Variants in EDA observed in about 807,000 individuals in gnomAD.
EDA encodes ectodysplasin-A.
Under a neutral mutation model 23.6 loss-of-function variants are expected in EDA, and 2 were observed. That is an observed-to-expected ratio of 0.08 (90% CI 0.03 to 0.27). The LOEUF is 0.27. Ranked by LOEUF, EDA falls within the 10% of genes least tolerant of loss-of-function variation. The probability of loss-of-function intolerance (pLI) is 1.00; values close to 1 mark genes in which losing one functional copy is unlikely to be tolerated. For missense variants in EDA, 229 were observed against 324.2 expected, an observed-to-expected ratio of 0.71 and a Z score of 2.26; for synonymous variants, 131 against 132.0, an observed-to-expected ratio of 0.99 and a Z score of 0.05.
intron 1 of EDA, among the ~76,000 whole-genome samples, chrX:69,852,907 C>T (rs1404108192): frequency 8.9e-6 from 1 of 111,967 alleles, no homozygotes; most frequent in Non-Finnish European, 1.9e-5. Flanking sequence ...CACATTGGTA[C>T]TGCTTTCCAA....
chrX:69,978,043 T>C (rs1602580608), intron 2 of EDA, among the ~76,000 whole-genome samples: 1 of 110,867 alleles, frequency 9.0e-6, no homozygotes, highest in South Asian at 3.8e-4. Context: ...TTAGCATCCC[T>C]TGTACTTTGA....
At chrX:69,929,251 T>G (rs1431841773) in intron 1 of EDA, among the ~76,000 whole-genome samples, 4 of 111,335 alleles carry the variant, frequency 3.6e-5, no homozygotes, top group Non-Finnish European at 5.7e-5. Context: ...GCTTAGAACT[T>G]GGCTCTGCAT....
chrX:69,882,697 G>T (rs1425129988), intron 1 of EDA, among the ~76,000 whole-genome samples: 3 of 62,661 alleles, frequency 4.8e-5, no homozygotes, highest in Admixed American at 2.5e-4. Context: ...AATTCTCAGT[G>T]TTTGTAACTA....
chrX:69,645,194 C>A (rs981922455), intron 1 of EDA, among the ~76,000 whole-genome samples: 1 of 110,214 alleles, frequency 9.1e-6, no homozygotes, highest in African/African-American at 3.3e-5. Flanking sequence ...CTTCTTTGTA[C>A]CTCTGGTAGA....
intron 1 of EDA, among the ~76,000 whole-genome samples, chrX:69,913,739 C>T (rs2018302220): frequency 8.9e-6 from 1 of 112,056 alleles, no homozygotes; most frequent in Admixed American, 9.5e-5. Context: ...TTTCAACATG[C>T]CTTTCTCACT....
intron 7 of EDA, among the ~76,000 whole-genome samples, chrX:70,034,868 T>G (rs936938246): frequency 8.9e-6 from 1 of 111,974 alleles, no homozygotes; most frequent in African/African-American, 3.3e-5. Flanking sequence ...AATAAGCTTC[T>G]GTTAAGGAGC....
chrX:69,632,908 A>T (rs1932656294), intron 1 of EDA, among the ~76,000 whole-genome samples: 1 of 110,845 alleles, frequency 9.0e-6, no homozygotes. Context: ...TCTCTCTCAA[A>T]CTTCTTTTTT....
chrX:69,926,660 A>C (rs755784840), intron 1 of EDA, among the ~76,000 whole-genome samples: 1 of 112,080 alleles, frequency 8.9e-6, no homozygotes, highest in African/African-American at 3.2e-5. Context: ...AATTCTGTAG[A>C]TGTCTATTAG....
At chrX:69,705,105 C>A (rs2011659209) in intron 1 of EDA, among the ~76,000 whole-genome samples, 1 of 108,622 alleles carries the variant, frequency 9.2e-6, no homozygotes, top group African/African-American at 3.4e-5. Context: ...CACCTGTAAT[C>A]CCAGCTACTC....
intron 1 of EDA, among the ~76,000 whole-genome samples, chrX:69,862,658 T>C (rs1304289607): frequency 9.0e-6 from 1 of 111,020 alleles, no homozygotes; most frequent in Non-Finnish European, 1.9e-5. Context: ...TGTTGCCCAG[T>C]CTAGTCAAAC....
At chrX:69,679,855 T>G (rs1385904218) in intron 1 of EDA, among the ~76,000 whole-genome samples, 2 of 108,514 alleles carry the variant, frequency 1.8e-5, no homozygotes, top group Admixed American at 9.9e-5. Flanking sequence ...TTTCTTGCCT[T>G]CTGCTAGCTT....
chrX:69,698,908 C>G (rs759106192), intron 1 of EDA, among the ~76,000 whole-genome samples: 1 of 111,250 alleles, frequency 9.0e-6, no homozygotes, highest in South Asian at 3.8e-4. Flanking sequence ...GTTTGTGTGA[C>G]GACATTTGCA....
intron 1 of EDA, among the ~76,000 whole-genome samples, chrX:69,827,863 T>G (rs1319638570): frequency 2.7e-5 from 3 of 111,842 alleles, no homozygotes. Context: ...GATGGTGATG[T>G]ACAGATGGGT....
chrX:69,721,998 C>T (rs898067587), intron 1 of EDA, among the ~76,000 whole-genome samples: 3 of 111,021 alleles, frequency 2.7e-5, no homozygotes, highest in Admixed American at 9.6e-5. Context: ...CTACATTTGC[C>T]TCTCTCTAGA....
chrX:69,916,201 G>A (rs1158476063), intron 1 of EDA, among the ~76,000 whole-genome samples: 2 of 111,011 alleles, frequency 1.8e-5, no homozygotes, highest in East Asian at 5.6e-4. Context: ...AAGTTACAGA[G>A]AGGACACAGA....
chrX:69,791,717 C>T (rs1195462792), intron 1 of EDA, among the ~76,000 whole-genome samples: 1 of 110,700 alleles, frequency 9.0e-6, no homozygotes. Context: ...TGTCTTGGCT[C>T]ACTGCAACCT....
At chrX:69,681,304 A>T (rs1357947817) in intron 1 of EDA, among the ~76,000 whole-genome samples, 1 of 108,221 alleles carries the variant, frequency 9.2e-6, no homozygotes, top group African/African-American at 3.4e-5. Flanking sequence ...TGTGTCTTGG[A>T]GTTGCTCTTC....
At chrX:69,825,182 G>A (rs1419375856) in intron 1 of EDA, among the ~76,000 whole-genome samples, 6 of 97,137 alleles carry the variant, frequency 6.2e-5, no homozygotes, top group African/African-American at 1.5e-4. Context: ...GTCTCTGCCC[G>A]GCTTTGGTAT....
At chrX:69,848,045 G>C (rs1225885590) in intron 1 of EDA, among the ~76,000 whole-genome samples, 1 of 111,608 alleles carries the variant, frequency 9.0e-6, no homozygotes, top group African/African-American at 3.3e-5. Flanking sequence ...CATTCTAATA[G>C]GTGTGTAGTG....
Sources: allele counts gnomAD v4.1 joint callset (sites outside exome capture counted in the v4.1 genomes callset), GRCh38; gene constraint gnomAD v4.1.1; transcripts MANE v1.5; gene names NCBI Gene and HGNC (gene_info 2026-07-23, HGNC 2026-07-21).